Variants in LINGO1 observed in about 807,000 individuals in gnomAD.
LINGO1 encodes leucine rich repeat and Ig domain containing 1, also known as leucine-rich repeat and immunoglobulin-like domain-containing nogo receptor-interacting protein 1.
Under a neutral mutation model 37.3 loss-of-function variants are expected in LINGO1, and 11 were observed. The ratio of observed to expected loss-of-function variants is 0.29; its 90% CI spans 0.19 to 0.49. The LOEUF (loss-of-function observed/expected upper bound fraction) is 0.49. LINGO1 is among the 20% of genes least tolerant of loss of function. The probability of loss-of-function intolerance (pLI) is 0.99; values close to 1 mark genes in which losing one functional copy is unlikely to be tolerated. For missense variants in LINGO1, 585 were observed against 878.2 expected (o/e 0.67, Z 4.22); for synonymous variants, 387 against 403.0 (o/e 0.96, Z 0.48).
At chr15:77,683,477 G>C (rs1450140654) in intron 2 of LINGO1, among the ~76,000 whole-genome samples, 2 of 152,104 alleles carry the variant, frequency 1.3e-5, no homozygotes, top group African/African-American at 2.4e-5. Flanking sequence ...CATCAATCCA[G>C]GACTAGTTAC....
In LINGO1 at chr15:77,615,535, C is replaced by A. The variant is rs201326697; in HGVS notation, c.372G>T (p.Leu124=). 2.5e-6 allele frequency: 4 copies of A among 1,613,638 alleles called. No homozygotes were observed. In the East Asian group the frequency reaches 6.7e-5, roughly 27 times the overall value. ...AFNNLFNLRT[L]GLRSNRLKLI... ...GCTTCAGGCGGTTGCTGCGGAGACC[C>A]AGCGTCCGGAGGTTGAAGAGGTTGT... The change falls in exon 2 of 2, where the codon CTG becomes CTT. Residue 124 remains leucine (L), a synonymous_variant. Transcript: ENST00000355300.
Position 77,796,783 on chromosome 15 carries a change from T to C in LINGO1, c.-457-730A>G, listed in dbSNP as rs543625859. ...CTGGAGGGCAGTGGTGCCATCATGG[T>C]TCACTGTAGCCCAAACTCCTGGGCT... On this transcript the variant is annotated intron_variant, in intron 1 of 5. Coordinates refer to the LINGO1 transcript ENST00000562933. 4.6e-5 allele frequency among the ~76,000 whole-genome samples: 7 copies of C among 151,988 alleles called. No individual in the cohort carries two copies. The South Asian group carries it at 1.2e-3, about 27-fold the overall frequency.
chr15:77,760,916 C>CTTTTTTTTTTTTTTTTTTTT (rs34524098), intron 1 of LINGO1, among the ~76,000 whole-genome samples: 1 of 96,400 alleles, frequency 1.0e-5, no homozygotes, highest in African/African-American at 4.9e-5. Context: ...TAATAAGTAT[C>CTTTTTTTTTTTTTTTTTTTT]TTTTTTTTTT....
intron 1 of LINGO1, among the ~76,000 whole-genome samples, chr15:77,769,014 AC>A (rs2076557669): frequency 6.6e-6 from 1 of 152,060 alleles, no homozygotes; most frequent in East Asian, 1.9e-4. Context: ...ACTGCCCAGG[AC>A]CCTTCAATGG....
At chr15:77,811,844 G>A (rs987655072) in intron 1 of LINGO1, among the ~76,000 whole-genome samples, 1 of 152,124 alleles carries the variant, frequency 6.6e-6, no homozygotes, top group Non-Finnish European at 1.5e-5. Context: ...GCAAAATGTG[G>A]GAAAATGTCA....
At chr15:77,671,342 G>A (rs111337235) in intron 3 of LINGO1, among the ~76,000 whole-genome samples, 1 of 152,188 alleles carries the variant, frequency 6.6e-6, no homozygotes, top group South Asian at 2.1e-4. Flanking sequence ...AGGGAGGAGA[G>A]GGGGTGAGAA....
intron 2 of LINGO1, among the ~76,000 whole-genome samples, chr15:77,728,283 C>T (rs1187591389): frequency 6.6e-6 from 1 of 152,270 alleles, no homozygotes; most frequent in South Asian, 2.1e-4. Context: ...GCCCACTCAT[C>T]ATGGACATGC....
At chr15:77,776,521 G>GCAGGAAGGCAGGAAGGCAGGAAA (rs1567577738) in intron 1 of LINGO1, among the ~76,000 whole-genome samples, 1 of 80,728 alleles carries the variant, frequency 1.2e-5, no homozygotes, top group Non-Finnish European at 2.8e-5. Context: ...AGGCAGGAAG[G>GCAGGAAGGCAGGAAGGCAGGAAA]GAGGAAGGGA....
chr15:77,793,343 G>C (rs76079727), intron 2 of LINGO1, among the ~76,000 whole-genome samples: 3,263 of 152,300 alleles, frequency 0.021, 117 homozygotes, highest in African/African-American at 0.073. Context: ...CTGGAGCACC[G>C]AGGGAGGGAG....
At position 77,733,438 on chromosome 15, in the gene LINGO1, G is replaced by A. The variant is rs1449724169; in HGVS notation, c.-195+1554C>T. Among the ~76,000 whole-genome samples, 4 of 152,132 alleles carry A rather than the reference G, an allele frequency of 2.6e-5. No homozygotes were observed. The East Asian group carries it at 7.7e-4, about 29-fold the overall frequency. On this transcript the variant is annotated intron_variant, in intron 2 of 3. Coordinates refer to the LINGO1 transcript ENST00000561686. ...TGCAGCCTCCAGCTCCCACCCCCAT[G>A]CCATGACCCTTGAGGGCCTGACCAG...
At chr15:77,623,334 G>T (rs2073982230) in intron 1 of LINGO1, among the ~76,000 whole-genome samples, 1 of 152,208 alleles carries the variant, frequency 6.6e-6, no homozygotes, top group Non-Finnish European at 1.5e-5. Flanking sequence ...AGCATCCTGG[G>T]ACTCCTAATG....
chr15:77,686,333 C>A (rs1567521299), intron 2 of LINGO1, among the ~76,000 whole-genome samples: 1 of 152,184 alleles, frequency 6.6e-6, no homozygotes, highest in Non-Finnish European at 1.5e-5. Context: ...CCCGCCGATG[C>A]TCAGGCTATG....
intron 1 of LINGO1, among the ~76,000 whole-genome samples, chr15:77,805,336 T>A (rs919548672): frequency 2.6e-5 from 4 of 152,194 alleles, no homozygotes; most frequent in Non-Finnish European, 5.9e-5. Context: ...GTGCACCATA[T>A]GACAGAACAG....
At chr15:77,722,043 C>T (rs2076055660) in intron 2 of LINGO1, among the ~76,000 whole-genome samples, 1 of 152,218 alleles carries the variant, frequency 6.6e-6, no homozygotes, top group Non-Finnish European at 1.5e-5. Flanking sequence ...GCTCCCACCC[C>T]TCTCTGCACC....
intron 1 of LINGO1, among the ~76,000 whole-genome samples, chr15:77,754,614 G>C (rs953498243): frequency 6.6e-6 from 1 of 152,242 alleles, no homozygotes; most frequent in Non-Finnish European, 1.5e-5. Flanking sequence ...GTGCGCAGTG[G>C]GTGGCAGTCC....
chr15:77,632,342 C>T lies in LINGO1; in HGVS notation c.-27G>A, dbSNP rs1479758266. Reference sequence around the variant, plus strand: ...TCGGGCGCGCCTTCGGTCCGCTCGGCTCGGTCACCAATCGCATGTCTCTCC... The same window carrying T: ...TCGGGCGCGCCTTCGGTCCGCTCGGTTCGGTCACCAATCGCATGTCTCTCC... On this transcript the variant is annotated 5_prime_UTR_variant, in exon 1 of 2. Coordinates refer to ENST00000355300, the MANE Select transcript of LINGO1 (RefSeq NM_032808.7). The surrounding 1 kb of genome is among the most constrained non-coding windows in gnomAD (Gnocchi z 6.0). The T allele has an allele frequency of 7.0e-7, 1 of 1,429,684 alleles. No homozygotes were observed. Among genetic ancestry groups the T allele is most frequent in the Non-Finnish European group, 9.2e-7 (1 of 1,090,972 alleles). 88.6% of individuals were successfully genotyped at this position (1,429,684 alleles called of 1,614,324 possible). A position where few individuals can be genotyped will look rare whatever the true frequency, so the allele number is the denominator to read the frequency against.
chr15:77,647,763 C>T (rs886837647), intron 3 of LINGO1: 7 of 431,542 alleles, frequency 1.6e-5, no homozygotes, highest in African/African-American at 8.1e-5. Context: ...CTGCTTTGCC[C>T]TTCCCTCTCA....
At position 77,687,093 on chromosome 15, in the gene LINGO1, G is replaced by A. The variant is rs560887361; in HGVS notation, c.-99+3627C>T. Among the ~76,000 whole-genome samples the A allele has an allele frequency of 2.6e-4, 39 of 152,118 alleles. 1 individual carries two copies. Among genetic ancestry groups the A allele is most frequent in the African/African-American group, 8.7e-4 (36 of 41,502 alleles). On this transcript the variant is annotated intron_variant, in intron 2 of 3. Transcript: ENST00000559893. The stretch of plus-strand genomic sequence containing the variant: ...CAGTGTGGGGCCAGGATCAGGGCTC[G>A]GTGTAGGACCAGGATCAAGGTTAAG...
chr15:77,741,003 C>T (rs1000348228), intron 1 of LINGO1, among the ~76,000 whole-genome samples: 6 of 152,194 alleles, frequency 3.9e-5, no homozygotes, highest in Admixed American at 6.5e-5. Flanking sequence ...AGCCCCCAGC[C>T]CTGCCCTCGC....
Sources: gnomAD v4.1 joint callset for allele counts (sites outside exome capture counted in the v4.1 genomes callset) on GRCh38, gnomAD v4.1.1 for gene constraint, Gnocchi (gnomAD v3.1) non-coding constraint, MANE v1.5 for transcripts, NCBI Gene and HGNC (gene_info 2026-07-23, HGNC 2026-07-21) for gene names.